Variants in FAM117B observed in about 807,000 individuals in gnomAD.
The protein encoded by FAM117B is family with sequence similarity 117 member B.
In FAM117B, 22 loss-of-function variants were observed where a neutral mutation model predicts 52.8. The observed-to-expected ratio is 0.42, with a 90% confidence interval of 0.30 to 0.59. FAM117B has a LOEUF of 0.59. Among genes scored for constraint, FAM117B ranks in the 20% least tolerant of loss-of-function variants. The pLI is 0.22. For synonymous variants in FAM117B, 309 were observed against 324.1 expected (o/e 0.95, Z 0.50); for missense variants, 678 against 802.6 (o/e 0.84, Z 1.88).
At position 202,726,256 on chromosome 2, in the gene FAM117B, A is replaced by G; in HGVS notation, c.853A>G (p.Lys285Glu). The G allele has an allele frequency of 1.2e-6, 2 of 1,612,132 alleles. No individual in the cohort carries two copies. Among genetic ancestry groups the G allele is most frequent in the South Asian group, 1.1e-5 (1 of 90,554 alleles). The change falls in exon 4 of 8, where the codon AAA (lysine) becomes GAA (glutamate). Residue 285 changes from lysine (K) to glutamate (E), a missense_variant. Coordinates refer to ENST00000392238, the MANE Select transcript of FAM117B (RefSeq NM_173511.4). ...GSTDQLKEIA[K>E]LRQQLQRSKH... ...GCTATTTTTGCTTTCTCAGATTGCA[A>G]AATTACGCCAGCAGTTGCAGAGAAG...
intron 4 of FAM117B, among the ~76,000 whole-genome samples, chr2:202,744,153 T>C (rs1691593571): frequency 6.7e-6 from 1 of 148,556 alleles, no homozygotes; most frequent in South Asian, 2.1e-4. Flanking sequence ...AATCCCCGTC[T>C]GTCTTAGTTC....
intron 1 of FAM117B, among the ~76,000 whole-genome samples, chr2:202,656,924 T>A (rs1343301450): frequency 3.3e-5 from 5 of 152,136 alleles, no homozygotes; most frequent in Non-Finnish European, 5.9e-5. Context: ...TACTGTATAA[T>A]TTCCCTCTAT....
intron 4 of FAM117B, among the ~76,000 whole-genome samples, chr2:202,729,334 A>C (rs1574572299): frequency 1.3e-5 from 1 of 79,764 alleles, no homozygotes; most frequent in South Asian, 5.8e-4. Context: ...ACTCCATCTC[A>C]AAAAAAAAAA....
intron 2 of FAM117B, among the ~76,000 whole-genome samples, chr2:202,715,502 G>A (rs938872898): frequency 1.7e-4 from 25 of 151,430 alleles, no homozygotes; most frequent in African/African-American, 6.1e-4. Context: ...GGGCAGAGGC[G>A]CTCCCCACAT....
At chr2:202,653,326 T>C (rs556234654) in intron 1 of FAM117B, among the ~76,000 whole-genome samples, 11 of 152,180 alleles carry the variant, frequency 7.2e-5, no homozygotes, top group East Asian at 1.9e-4. Flanking sequence ...CCGTGCCCCA[T>C]CCTCTATTCA....
At position 202,766,693 on chromosome 2, in the gene FAM117B, T is replaced by A. The variant is rs1223897757; in HGVS notation, c.*929T>A. Reference sequence around the variant, plus strand: ...GGAGCCCCTTTGGTTTTCTGTGATATATATATATATCACACGCTCTCCCTC... The same window carrying A: ...GGAGCCCCTTTGGTTTTCTGTGATAAATATATATATCACACGCTCTCCCTC... On this transcript the variant is annotated 3_prime_UTR_variant, in exon 8 of 8. Coordinates refer to ENST00000392238, the MANE Select transcript of FAM117B (RefSeq NM_173511.4). 6.6e-6 allele frequency: 1 copy of A among 152,300 alleles called. No homozygotes were observed. Among genetic ancestry groups the A allele is most frequent in the Non-Finnish European group, 1.5e-5 (1 of 68,050 alleles). The allele number at this position is 152,300 out of a possible 1,614,324, so 9.4% of individuals were successfully genotyped here. A position where few individuals can be genotyped will look rare whatever the true frequency, so the allele number is the denominator to read the frequency against.
intron 6 of FAM117B, 145 bp from the exon 7 acceptor site, chr2:202,759,088 A>C: frequency 1.2e-6 from 1 of 833,130 alleles, no homozygotes; most frequent in Non-Finnish European, 1.8e-6. Context: ...TTGTGTGTGC[A>C]TTTATTTAAC....
At chr2:202,718,988 T>C (rs1691106721) in intron 2 of FAM117B, among the ~76,000 whole-genome samples, 1 of 152,224 alleles carries the variant, frequency 6.6e-6, no homozygotes, top group South Asian at 2.1e-4. Flanking sequence ...CTCCAATCGT[T>C]AATCTAGTGT....
intron 4 of FAM117B, among the ~76,000 whole-genome samples, chr2:202,751,771 C>CAAAA (rs397868272): frequency 7.9e-5 from 6 of 76,216 alleles, no homozygotes; most frequent in Admixed American, 1.8e-4. Flanking sequence ...GACTCCATCT[C>CAAAA]AAAAAAAAAA....
intron 1 of FAM117B, among the ~76,000 whole-genome samples, chr2:202,692,808 T>C (rs1208859765): frequency 1.3e-5 from 2 of 152,236 alleles, no homozygotes; most frequent in Non-Finnish European, 2.9e-5. Context: ...ATGAGGTCTT[T>C]GCTGTGTGTA....
At chr2:202,701,834 G>A (rs1484191431) in intron 2 of FAM117B, among the ~76,000 whole-genome samples, 2 of 152,162 alleles carry the variant, frequency 1.3e-5, no homozygotes, top group Non-Finnish European at 2.9e-5. Flanking sequence ...TTATGGATGA[G>A]CAAATAAAGT....
intron 4 of FAM117B, among the ~76,000 whole-genome samples, chr2:202,734,217 C>G (rs1033847873): frequency 1.3e-5 from 2 of 152,068 alleles, no homozygotes; most frequent in African/African-American, 4.8e-5. Context: ...CAACTCTGTT[C>G]AATACCATTA....
intron 4 of FAM117B, 63 bp from the exon 5 acceptor site, chr2:202,755,475 C>G: frequency 5.7e-6 from 9 of 1,567,238 alleles, no homozygotes; most frequent in Non-Finnish European, 7.8e-6. Flanking sequence ...GTTGGAATTA[C>G]GCTTCAGCCT....
At chr2:202,652,081 C>T (rs962030945) in intron 1 of FAM117B, among the ~76,000 whole-genome samples, 2 of 146,670 alleles carry the variant, frequency 1.4e-5, no homozygotes, top group Non-Finnish European at 3.0e-5. Context: ...AAGATAAGGA[C>T]AAGGGATGTC....
chr2:202,717,799 A>G (rs777618309), intron 2 of FAM117B, among the ~76,000 whole-genome samples: 31 of 151,552 alleles, frequency 2.0e-4, no homozygotes, highest in Non-Finnish European at 3.7e-4. Flanking sequence ...TGTAACCACT[A>G]TCTGGCTAAT....
intron 1 of FAM117B, among the ~76,000 whole-genome samples, chr2:202,682,370 C>G (rs1011755674): frequency 7.4e-4 from 113 of 152,160 alleles, no homozygotes; most frequent in African/African-American, 2.6e-3. Flanking sequence ...GCACCCTACC[C>G]TAGATGGTGT....
chr2:202,693,736 G>C (rs894570242), intron 1 of FAM117B, among the ~76,000 whole-genome samples: 3 of 152,188 alleles, frequency 2.0e-5, no homozygotes, highest in Non-Finnish European at 4.4e-5. Context: ...ATCAGGACGT[G>C]TGTATCTATG....
rs1297678969 is a variant in FAM117B at position 202,766,200 on chromosome 2, C to T, written c.*436C>T. ...TGAAAATGACTATTTTATAATATAC[C>T]AATGTTACATTTTCTGAAACGTAGC... On this transcript the variant is annotated 3_prime_UTR_variant, in exon 8 of 8. Transcript: ENST00000392238. 1.9e-5 allele frequency: 3 copies of T among 154,216 alleles called. No individual in the cohort carries two copies. The highest frequency in any genetic ancestry group is 2.9e-5 in the Non-Finnish European group (2 of 69,734). The allele number at this position is 154,216 out of a possible 1,614,324, so 9.6% of individuals were successfully genotyped here.
chr2:202,663,036 G>A (rs759384893), intron 1 of FAM117B, among the ~76,000 whole-genome samples: 1 of 152,138 alleles, frequency 6.6e-6, no homozygotes, highest in Non-Finnish European at 1.5e-5. Context: ...AGCGTTAGAA[G>A]CACTCTTTTT....
Sources: gnomAD v4.1 joint callset for allele counts (sites outside exome capture counted in the v4.1 genomes callset) on GRCh38, gnomAD v4.1.1 for gene constraint, MANE v1.5 for transcripts, NCBI Gene and HGNC (gene_info 2026-07-23, HGNC 2026-07-21) for gene names.